The following CDC123 variants were observed in gnomAD, a reference collection of about 807,000 sequenced individuals.
The protein encoded by CDC123 is cell division cycle 123.
Under a neutral mutation model 54.4 loss-of-function variants are expected in CDC123, and 37 were observed. The ratio of observed to expected loss-of-function variants is 0.68; its 90% CI spans 0.52 to 0.89. CDC123 has a LOEUF of 0.89. Ranked by LOEUF, CDC123 falls within the 40% of genes least tolerant of loss-of-function variation. The pLI, the probability that CDC123 is intolerant of heterozygous loss-of-function variation, is 0.00. For missense variants in CDC123, 361 were observed against 412.1 expected (o/e 0.88, Z 1.07); for synonymous variants, 144 against 136.8 (o/e 1.05, Z -0.37).
Position 12,237,238 on chromosome 10 carries a change from C to T in CDC123, c.660C>T (p.His220=), listed in dbSNP as rs200950954. 2 of 1,575,894 alleles carry T rather than the reference C, an allele frequency of 1.3e-6. No individual in the cohort carries two copies. The highest frequency in any genetic ancestry group is 2.3e-5 in the East Asian group (1 of 43,500). The change falls in exon 9 of 13, where the codon CAC becomes CAT. Residue 220 remains histidine (H), a synonymous_variant. Transcript: ENST00000281141. ...RRCIQDFFKK[H]IQYKFLDEDF... is the part of the protein sequence containing the mutation. ...GCATACAAGACTTTTTCAAGAAACA[C>T]ATACAGTACAAATTCTTAGATGAAG...
intron 6 of CDC123, among the ~76,000 whole-genome samples, chr10:12,217,886 A>C (rs1280003902): frequency 6.6e-6 from 1 of 152,174 alleles, no homozygotes; most frequent in Non-Finnish European, 1.5e-5. Context: ...TCAGGAGTTC[A>C]AGACCAGCCT....
intron 7 of CDC123, among the ~76,000 whole-genome samples, chr10:12,233,482 G>A (rs751416110): frequency 1.3e-5 from 2 of 152,118 alleles, no homozygotes; most frequent in African/African-American, 4.8e-5. Context: ...CACAGTGTAT[G>A]TATTACATGC....
At chr10:12,218,343 G>A (rs769885505) in intron 6 of CDC123, among the ~76,000 whole-genome samples, 68 of 148,878 alleles carry the variant, frequency 4.6e-4, no homozygotes, top group African/African-American at 1.6e-3. Context: ...GGGTTCAAGC[G>A]ATTCTCTTGC....
At chr10:12,226,857 G>A (rs1035881566) in intron 6 of CDC123, among the ~76,000 whole-genome samples, 7 of 152,132 alleles carry the variant, frequency 4.6e-5, no homozygotes, top group Non-Finnish European at 1.0e-4. Flanking sequence ...ACGGGGTGGC[G>A]GCTGGGCAGA....
intron 10 of CDC123, among the ~76,000 whole-genome samples, chr10:12,241,475 C>T (rs758478157): frequency 1.3e-5 from 2 of 152,038 alleles, no homozygotes; most frequent in Non-Finnish European, 2.9e-5. Flanking sequence ...TGTTCCTTTG[C>T]GTGTTTGGTA....
chr10:12,217,919 C>T (rs1835682872), intron 6 of CDC123, among the ~76,000 whole-genome samples: 1 of 151,974 alleles, frequency 6.6e-6, no homozygotes, highest in South Asian at 2.1e-4. Flanking sequence ...GAATCCCCGT[C>T]TCTACTAAAA....
intron 4 of CDC123, among the ~76,000 whole-genome samples, chr10:12,213,433 C>T (rs2131738916): frequency 1.3e-5 from 2 of 152,140 alleles, no homozygotes; most frequent in South Asian, 4.2e-4. Context: ...TCAAAAACGT[C>T]AAGGTCATAA....
chr10:12,197,719 A>C (rs961758056), intron 1 of CDC123, among the ~76,000 whole-genome samples: 2 of 149,844 alleles, frequency 1.3e-5, no homozygotes, highest in African/African-American at 4.9e-5. Context: ...TTGATAAATC[A>C]AATATTTATT....
chr10:12,235,096 T>A lies in CDC123; in HGVS notation c.538T>A (p.Cys180Ser). ...ATTGATTCCTGGGGCTGAGTTTCGA[T>A]GTTTTGTCAAGGAAAACAAGCTTAT... The part of the protein sequence containing the change: ...CELIPGAEFR[C>S]FVKENKLIGI... Residue 180 changes from cysteine (C) to serine (S), a missense_variant, in exon 8 of 13, where the codon TGT (cysteine) becomes AGT (serine). Coordinates refer to ENST00000281141, the MANE Select transcript of CDC123 (RefSeq NM_006023.3). 1 of 1,614,050 alleles carries A rather than the reference T, an allele frequency of 6.2e-7. No homozygotes were observed. Among genetic ancestry groups the A allele is most frequent in the Non-Finnish European group, 8.5e-7 (1 of 1,179,914 alleles).
chr10:12,210,214 AGATG>A (rs2131736549), intron 3 of CDC123, 72 bp from the exon 4 acceptor site: 2 of 1,553,200 alleles, frequency 1.3e-6, no homozygotes, highest in East Asian at 2.4e-5. Context: ...TATAATTTTT[AGATG>A]GAGCACTGCT....
intron 6 of CDC123, among the ~76,000 whole-genome samples, chr10:12,229,521 C>T (rs577185070): frequency 6.6e-5 from 10 of 152,318 alleles, no homozygotes; most frequent in African/African-American, 2.2e-4. Context: ...CACGTTTCTC[C>T]GTGCTTTAAA....
chr10:12,237,954 A>C (rs1344343796), intron 9 of CDC123, among the ~76,000 whole-genome samples: 3 of 152,222 alleles, frequency 2.0e-5, no homozygotes, highest in Non-Finnish European at 4.4e-5. Flanking sequence ...AAGAGTTTTC[A>C]TACATCTGAA....
rs78909883 is a variant in CDC123, at chr10:12,231,169, T to G, written c.489+173T>G. ...CACATAAAAGGATATATATTATATATAGAGTGTATATACCAAATACATGTA... is the reference window on the plus strand; with the variant it reads ...CACATAAAAGGATATATATTATATAGAGAGTGTATATACCAAATACATGTA... On this transcript the variant is annotated intron_variant, in intron 7 of 12. Transcript: ENST00000281141. Among the ~76,000 whole-genome samples the G allele has an allele frequency of 2.7e-3, 415 of 152,290 alleles. 5 individuals are homozygous for G. In the East Asian group the frequency reaches 0.057, roughly 21 times the overall value.
chr10:12,249,636 A>G lies in CDC123; in HGVS notation c.902A>G (p.Tyr301Cys), dbSNP rs772305529. The change falls in exon 12 of 13, where the codon TAT (tyrosine) becomes TGT (cysteine). Residue 301 changes from tyrosine (Y) to cysteine (C), a missense_variant. Tyr to Cys is a radical substitution (Grantham distance 194, BLOSUM62 -2). Coordinates refer to ENST00000281141, the MANE Select transcript of CDC123 (RefSeq NM_006023.3). Reference sequence around the variant, plus strand: ...GAAGTGACAGTCCAGCCCAGCCCCTATTTGAGTTACCGGCTACCCAAGGAC... The same window carrying G: ...GAAGTGACAGTCCAGCCCAGCCCCTGTTTGAGTTACCGGCTACCCAAGGAC... ...NSEVTVQPSPYLSYRLPKDFV... is the reference protein window; with the variant it reads ...NSEVTVQPSPCLSYRLPKDFV... 1.9e-6 allele frequency: 3 copies of G among 1,614,040 alleles called. No individual in the cohort carries two copies. The highest frequency in any genetic ancestry group is 1.3e-5 in the African/African-American group (1 of 74,922).
intron 10 of CDC123, among the ~76,000 whole-genome samples, chr10:12,241,976 C>T (rs1004285844): frequency 2.0e-5 from 3 of 148,796 alleles, no homozygotes; most frequent in African/African-American, 7.4e-5. Flanking sequence ...GTTCTTGTTT[C>T]TGGCCCCGGG....
chr10:12,225,262 G>GCA (rs1835794965), intron 6 of CDC123, among the ~76,000 whole-genome samples: 1 of 152,136 alleles, frequency 6.6e-6, no homozygotes, highest in South Asian at 2.1e-4. Flanking sequence ...GGGCTTGGTG[G>GCA]CACACGCCTG....
intron 6 of CDC123, among the ~76,000 whole-genome samples, chr10:12,225,623 C>G (rs999300024): frequency 1.3e-5 from 2 of 151,572 alleles, no homozygotes; most frequent in African/African-American, 4.9e-5. Context: ...AAGTTGTCTA[C>G]AGATTTGATT....
intron 6 of CDC123, among the ~76,000 whole-genome samples, chr10:12,229,218 C>G (rs933134495): frequency 6.6e-6 from 1 of 152,192 alleles, no homozygotes; most frequent in African/African-American, 2.4e-5. Context: ...GATATAGATG[C>G]GTTTTTTAAA....
At chr10:12,237,762 C>A (rs180701053) in intron 9 of CDC123, among the ~76,000 whole-genome samples, 1 of 152,230 alleles carries the variant, frequency 6.6e-6, no homozygotes, top group East Asian at 1.9e-4. Context: ...TAACTAAAAT[C>A]TATTTTTACT....
Sources: allele counts gnomAD v4.1 joint callset (sites outside exome capture counted in the v4.1 genomes callset), GRCh38; gene constraint gnomAD v4.1.1; transcripts MANE v1.5; gene names NCBI Gene and HGNC (gene_info 2026-07-23, HGNC 2026-07-21).